DAB2IP: variants seen among roughly 807,000 people sequenced by gnomAD.
The protein encoded by DAB2IP is disabled homolog 2-interacting protein.
Under a neutral mutation model 107.2 loss-of-function variants are expected in DAB2IP, and 28 were observed. The ratio of observed to expected loss-of-function variants is 0.26; its 90% CI spans 0.19 to 0.36. DAB2IP has a LOEUF of 0.36. Among genes scored for constraint, DAB2IP ranks in the 10% least tolerant of loss-of-function variants. The pLI, the probability that DAB2IP is intolerant of heterozygous loss-of-function variation, is 1.00. For missense variants in DAB2IP, 1,400 were observed against 1,644.7 expected, an observed-to-expected ratio of 0.85 and a Z score of 2.57; for synonymous variants, 755 against 706.4, an observed-to-expected ratio of 1.07 and a Z score of -1.09.
At chr9:121,605,156 A>G (rs1046929184) in intron 1 of DAB2IP, among the ~76,000 whole-genome samples, 13 of 151,384 alleles carry the variant, frequency 8.6e-5, no homozygotes, top group Middle Eastern at 3.5e-3. Context: ...AGTAGTTGGG[A>G]CTACAGGTGC....
chr9:121,567,360 C>A (rs1829829214), intron 1 of DAB2IP: 10 of 1,383,748 alleles, frequency 7.2e-6, no homozygotes, highest in East Asian at 2.3e-5. Context: ...GTCTTGGGAC[C>A]CATGGGTGGG....
intron 5 of DAB2IP, among the ~76,000 whole-genome samples, chr9:121,759,656 G>A (rs896905375): frequency 1.3e-5 from 2 of 152,188 alleles, no homozygotes; most frequent in Non-Finnish European, 1.5e-5. Context: ...GCAACCCAAG[G>A]CTCCAGTTAA....
intron 1 of DAB2IP, among the ~76,000 whole-genome samples, chr9:121,672,993 C>T (rs1460273047): frequency 6.6e-6 from 1 of 152,208 alleles, no homozygotes; most frequent in Non-Finnish European, 1.5e-5. Flanking sequence ...GGCTGAATCC[C>T]CAGGGTCCAG....
intron 2 of DAB2IP, among the ~76,000 whole-genome samples, chr9:121,696,279 C>T (rs533975544): frequency 1.4e-4 from 21 of 152,330 alleles, no homozygotes; most frequent in African/African-American, 5.1e-4. Context: ...GTCTGTGGAG[C>T]TGGGTTTGAC....
intron 3 of DAB2IP, among the ~76,000 whole-genome samples, chr9:121,712,046 G>T (rs968910789): frequency 6.6e-6 from 1 of 152,228 alleles, no homozygotes; most frequent in African/African-American, 2.4e-5. Flanking sequence ...AGTCTGCACC[G>T]TTATGGATGG....
intron 1 of DAB2IP, among the ~76,000 whole-genome samples, chr9:121,615,069 C>T (rs1831223060): frequency 2.6e-5 from 4 of 152,078 alleles, no homozygotes. Flanking sequence ...AGCACTGTGC[C>T]CTCCATGAAA....
intron 3 of DAB2IP, among the ~76,000 whole-genome samples, chr9:121,716,171 C>T (rs552910915): frequency 3.3e-5 from 5 of 152,302 alleles, no homozygotes; most frequent in Admixed American, 6.5e-5. Context: ...TGGATTCTTC[C>T]GTCTCTGAGA....
At chr9:121,748,798 T>C (rs1255173935) in intron 3 of DAB2IP, among the ~76,000 whole-genome samples, 1 of 152,196 alleles carries the variant, frequency 6.6e-6, no homozygotes, top group African/African-American at 2.4e-5. Context: ...TCCTCCTGTT[T>C]TGGTTGCAGG....
intron 3 of DAB2IP, among the ~76,000 whole-genome samples, chr9:121,732,330 T>C (rs1831592361): frequency 6.6e-6 from 1 of 152,168 alleles, no homozygotes; most frequent in African/African-American, 2.4e-5. Context: ...GATGGAAACA[T>C]TACATTTTTG....
intron 1 of DAB2IP, among the ~76,000 whole-genome samples, chr9:121,578,122 G>A (rs1175789926): frequency 6.6e-6 from 1 of 152,090 alleles, no homozygotes; most frequent in Non-Finnish European, 1.5e-5. Context: ...GGGTGGGGTA[G>A]GGGTGGCTGT....
At chr9:121,738,932 G>T (rs966084089) in intron 3 of DAB2IP, among the ~76,000 whole-genome samples, 1 of 152,248 alleles carries the variant, frequency 6.6e-6, no homozygotes, top group Non-Finnish European at 1.5e-5. Context: ...AATAAGCAGA[G>T]AAACAAAGTG....
At chr9:121,604,242 G>A (rs1312175931) in intron 1 of DAB2IP, among the ~76,000 whole-genome samples, 1 of 152,186 alleles carries the variant, frequency 6.6e-6, no homozygotes, top group Non-Finnish European at 1.5e-5. Context: ...GCCATCACAT[G>A]TCTCTCCTCT....
chr9:121,617,882 G>T (rs751167346), intron 1 of DAB2IP, among the ~76,000 whole-genome samples: 2 of 152,090 alleles, frequency 1.3e-5, no homozygotes, highest in Admixed American at 6.6e-5. Flanking sequence ...GAGGGGAGCC[G>T]GTTTCTCTGG....
intron 1 of DAB2IP, among the ~76,000 whole-genome samples, chr9:121,608,017 C>T (rs142711756): frequency 1.4e-4 from 21 of 152,358 alleles, no homozygotes; most frequent in South Asian, 6.2e-4. Flanking sequence ...GCGCTGCTTC[C>T]GGGAGGAGAG....
chr9:121,658,141 C>G (rs577918476), intron 1 of DAB2IP, among the ~76,000 whole-genome samples: 1 of 152,200 alleles, frequency 6.6e-6, no homozygotes, highest in Non-Finnish European at 1.5e-5. Flanking sequence ...GAACTTGACA[C>G]AAACACGCTC....
At chr9:121,666,917 A>ACACACACACACACACAC (rs1564143999) in intron 1 of DAB2IP, among the ~76,000 whole-genome samples, 19 of 104,754 alleles carry the variant, frequency 1.8e-4, no homozygotes, top group East Asian at 7.5e-4. Context: ...CACACACACA[A>ACACACACACACACACAC]CACTCTTAAA....
At chr9:121,616,711 C>G (rs1237827338) in intron 1 of DAB2IP, among the ~76,000 whole-genome samples, 1 of 152,198 alleles carries the variant, frequency 6.6e-6, no homozygotes, top group Non-Finnish European at 1.5e-5. Context: ...GATCACTCTT[C>G]GCCACAGGCA....
intron 1 of DAB2IP, among the ~76,000 whole-genome samples, chr9:121,596,137 A>T (rs1049025679): frequency 2.0e-5 from 3 of 152,172 alleles, no homozygotes; most frequent in Non-Finnish European, 2.9e-5. Flanking sequence ...TCTGACCAAC[A>T]TGGAGAAACC....
intron 1 of DAB2IP, among the ~76,000 whole-genome samples, chr9:121,641,949 C>CTTT (rs1293278349): frequency 1.1e-4 from 7 of 64,040 alleles, no homozygotes; most frequent in East Asian, 1.1e-3. Context: ...CTCTTTCTTT[C>CTTT]CTTTCTTTCT....
Sources: gnomAD v4.1 joint callset for allele counts (sites outside exome capture counted in the v4.1 genomes callset) on GRCh38, gnomAD v4.1.1 for gene constraint, MANE v1.5 for transcripts, NCBI Gene and HGNC (gene_info 2026-07-23, HGNC 2026-07-21) for gene names.